GPC5: variants seen among roughly 807,000 people sequenced by gnomAD.
GPC5 encodes the protein glypican-5.
GPC5 carries 47 observed loss-of-function variants against 53.9 expected under a neutral mutation model. The observed-to-expected ratio is 0.87, with a 90% CI of 0.69 to 1.11. GPC5 has a LOEUF of 1.11. Ranked by LOEUF, GPC5 falls within the 50% of genes most tolerant of loss-of-function variation. The pLI is 0.00. For missense variants in GPC5, 748 were observed against 713.1 expected (o/e 1.05, Z -0.56); for synonymous variants, 286 against 263.3 (o/e 1.09, Z -0.84).
chr13:92,232,714 A>G (rs1480402004), intron 7 of GPC5, among the ~76,000 whole-genome samples: 1 of 152,232 alleles, frequency 6.6e-6, no homozygotes, highest in Non-Finnish European at 1.5e-5. Flanking sequence ...TGGTGACTGT[A>G]AAAATATTTC....
At chr13:92,703,122 T>C (rs1211044462) in intron 7 of GPC5, among the ~76,000 whole-genome samples, 3 of 151,700 alleles carry the variant, frequency 2.0e-5, no homozygotes, top group African/African-American at 7.3e-5. Context: ...ATGCACTATG[T>C]AATGTAGTTA....
At chr13:92,727,404 C>T (rs532864345) in intron 7 of GPC5, among the ~76,000 whole-genome samples, 1 of 146,614 alleles carries the variant, frequency 6.8e-6, no homozygotes, top group South Asian at 2.1e-4. Flanking sequence ...GATTCTACTT[C>T]CTCCATTTCT....
intron 2 of GPC5, among the ~76,000 whole-genome samples, chr13:91,465,703 C>T (rs1882193770): frequency 6.6e-6 from 1 of 152,090 alleles, no homozygotes; most frequent in Non-Finnish European, 1.5e-5. Flanking sequence ...CCCCAATTTT[C>T]ACAAGTAGTA....
intron 6 of GPC5, among the ~76,000 whole-genome samples, chr13:92,091,541 A>G (rs1408424147): frequency 3.3e-5 from 5 of 152,116 alleles, no homozygotes; most frequent in Non-Finnish European, 5.9e-5. Context: ...TAGCTACTAT[A>G]TGCTATAATA....
intron 2 of GPC5, among the ~76,000 whole-genome samples, chr13:91,679,109 G>A (rs2035449310): frequency 1.3e-5 from 2 of 152,052 alleles, no homozygotes; most frequent in Admixed American, 6.6e-5. Context: ...AATCCAAAGT[G>A]GATAAGAGAG....
chr13:91,531,586 T>C (rs867673479), intron 2 of GPC5, among the ~76,000 whole-genome samples: 15 of 152,174 alleles, frequency 9.9e-5, no homozygotes, highest in South Asian at 4.1e-4. Context: ...TGTGCCGTTA[T>C]TAAGTATTAG....
chr13:92,170,676 C>T (rs1317903726), intron 7 of GPC5, among the ~76,000 whole-genome samples: 3 of 152,072 alleles, frequency 2.0e-5, no homozygotes, highest in Admixed American at 6.6e-5. Context: ...CCGCCTGCCT[C>T]AACCTCCCAA....
Position 92,061,671 on chromosome 13 carries a change from G to T in GPC5, c.1402-83159G>T, listed in dbSNP as rs74106108. 1.6e-3 allele frequency among the ~76,000 whole-genome samples: 245 copies of T among 151,994 alleles called. 2 individuals are homozygous for T. Among genetic ancestry groups the T allele is most frequent in the African/African-American group, 5.8e-3 (240 of 41,410 alleles). On this transcript the variant is annotated intron_variant, in intron 6 of 7. Transcript: ENST00000377067. ...CATGCAGTATATTCTGCTGTAAATGGACTCTATGAACACAGAACAGTCATG... is the reference window on the plus strand; with the variant it reads ...CATGCAGTATATTCTGCTGTAAATGTACTCTATGAACACAGAACAGTCATG...
chr13:91,566,164 A>T (rs960020253), intron 2 of GPC5, among the ~76,000 whole-genome samples: 5 of 152,152 alleles, frequency 3.3e-5, no homozygotes, highest in African/African-American at 1.2e-4. Flanking sequence ...CGTGGGGGTC[A>T]CCAATCTACT....
intron 2 of GPC5, among the ~76,000 whole-genome samples, chr13:91,687,610 C>T (rs978431020): frequency 2.0e-5 from 3 of 152,022 alleles, no homozygotes; most frequent in East Asian, 1.9e-4. Flanking sequence ...TTAGATTGCA[C>T]TTGCAGCCTT....
chr13:92,440,306 A>G (rs972381998), intron 7 of GPC5, among the ~76,000 whole-genome samples: 6 of 152,062 alleles, frequency 3.9e-5, no homozygotes, highest in African/African-American at 9.7e-5. Flanking sequence ...CTTTATGTCT[A>G]TAAGGGCCCA....
intron 6 of GPC5, among the ~76,000 whole-genome samples, chr13:92,067,015 G>A (rs2041172984): frequency 6.6e-6 from 1 of 152,016 alleles, no homozygotes; most frequent in Non-Finnish European, 1.5e-5. Context: ...CGCAAGTAAA[G>A]GATATATGAA....
At chr13:91,534,775 T>C (rs1044158177) in intron 2 of GPC5, among the ~76,000 whole-genome samples, 2 of 151,932 alleles carry the variant, frequency 1.3e-5, no homozygotes, top group African/African-American at 4.8e-5. Flanking sequence ...ATCCTGTTTG[T>C]TGTTTGTTTG....
intron 7 of GPC5, among the ~76,000 whole-genome samples, chr13:92,175,033 A>G (rs1418197695): frequency 6.6e-6 from 1 of 152,116 alleles, no homozygotes; most frequent in African/African-American, 2.4e-5. Context: ...TTGTAGTTTT[A>G]GTAGAGACGG....
At chr13:92,459,729 AC>A (rs1221432278) in intron 7 of GPC5, among the ~76,000 whole-genome samples, 1 of 152,188 alleles carries the variant, frequency 6.6e-6, no homozygotes, top group African/African-American at 2.4e-5. Flanking sequence ...TGAAATGCAT[AC>A]ATCTTATCTC....
chr13:92,246,206 C>G (rs543441837), intron 7 of GPC5, among the ~76,000 whole-genome samples: 1 of 152,066 alleles, frequency 6.6e-6, no homozygotes, highest in Non-Finnish European at 1.5e-5. Context: ...AAACGGCATC[C>G]TTCATTTTAA....
At chr13:92,622,203 G>C (rs1426220288) in intron 7 of GPC5, among the ~76,000 whole-genome samples, 1 of 152,180 alleles carries the variant, frequency 6.6e-6, no homozygotes, top group Non-Finnish European at 1.5e-5. Context: ...TCCCTGCCAG[G>C]CTCTGGGTTA....
At chr13:91,782,171 T>C (rs183142665) in intron 5 of GPC5, among the ~76,000 whole-genome samples, 3 of 152,320 alleles carry the variant, frequency 2.0e-5, no homozygotes, top group African/African-American at 7.2e-5. Flanking sequence ...TCCAAGTCTT[T>C]CTGTGTCTTT....
intron 7 of GPC5, among the ~76,000 whole-genome samples, chr13:92,760,065 A>G (rs1875098417): frequency 6.6e-6 from 1 of 152,098 alleles, no homozygotes; most frequent in African/African-American, 2.4e-5. Context: ...ATTAAATGCC[A>G]CTTGTTTGTA....
Sources: allele counts gnomAD v4.1 joint callset (sites outside exome capture counted in the v4.1 genomes callset), GRCh38; gene constraint gnomAD v4.1.1; transcripts MANE v1.5; gene names NCBI Gene and HGNC (gene_info 2026-07-23, HGNC 2026-07-21).